CTNNA2: variants seen among roughly 807,000 people sequenced by gnomAD.
CTNNA2 encodes catenin alpha 2.
In CTNNA2, 42 loss-of-function variants were observed where a neutral mutation model predicts 101.0. That is an observed-to-expected ratio of 0.42 (90% CI 0.32 to 0.54). The LOEUF (loss-of-function observed/expected upper bound fraction) is 0.54. Among genes scored for constraint, CTNNA2 ranks in the 20% least tolerant of loss-of-function variants. The pLI is 0.14. For missense variants in CTNNA2, 871 were observed against 1,223.1 expected (o/e 0.71, Z 4.29); for synonymous variants, 450 against 456.4 (o/e 0.99, Z 0.18).
chr2:80,224,286 A>G (rs1318590830), intron 7 of CTNNA2, among the ~76,000 whole-genome samples: 3 of 152,120 alleles, frequency 2.0e-5, no homozygotes, highest in African/African-American at 7.2e-5. Context: ...TTTATAATTA[A>G]TGAAGCATAT....
intron 4 of CTNNA2, among the ~76,000 whole-genome samples, chr2:79,394,417 A>T (rs757055046): frequency 1.3e-5 from 2 of 152,200 alleles, no homozygotes; most frequent in Admixed American, 1.3e-4. Flanking sequence ...TCACTAATAA[A>T]CTGGCTAATG....
At position 80,146,710 on chromosome 2, in the gene CTNNA2, G is replaced by GTTTTTTTTTTTTTTTT. The variant is rs34019123; in HGVS notation, c.1056+236930_1056+236945dup. ...TTTCTGAAGTAGGAAGTCCCCTCTG[G>GTTTTTTTTTTTTTTTT]TTTTTTTTTTTTTTTTTTTTTTTTT... On this transcript the variant is annotated intron_variant, in intron 7 of 18. Coordinates refer to ENST00000402739, the MANE Select transcript of CTNNA2 (RefSeq NM_001282597.3). 4.9e-5 allele frequency among the ~76,000 whole-genome samples: 3 copies of GTTTTTTTTTTTTTTTT among 61,744 alleles called. 1 individual carries two copies. Among genetic ancestry groups the GTTTTTTTTTTTTTTTT allele is most frequent in the Non-Finnish European group, 9.2e-5 (3 of 32,534 alleles). The allele number at this position is 61,744 out of a possible 152,430, so 40.5% of individuals were successfully genotyped here. A position where few individuals can be genotyped will look rare whatever the true frequency, so the allele number is the denominator to read the frequency against.
chr2:79,752,595 A>G (rs1672115997), intron 3 of CTNNA2, among the ~76,000 whole-genome samples: 1 of 152,192 alleles, frequency 6.6e-6, no homozygotes, highest in Non-Finnish European at 1.5e-5. Context: ...ATACATATTG[A>G]AGGTATTTCT....
intron 3 of CTNNA2, among the ~76,000 whole-genome samples, chr2:79,831,498 G>T (rs1464077090): frequency 2.0e-5 from 3 of 151,836 alleles, no homozygotes; most frequent in African/African-American, 7.3e-5. Flanking sequence ...GCTTTTGTCT[G>T]TGTTGCTTCA....
chr2:80,043,119 CTCCTTCCTTCCTTCCTTCCT>C (rs70940072), intron 7 of CTNNA2, among the ~76,000 whole-genome samples: 1,236 of 52,008 alleles, frequency 0.024, 61 homozygotes, highest in African/African-American at 0.048. Context: ...CTCTTTCTTT[CTCCTTCCTTCCTTCCTTCCT>C]TCCTTCCTTC....
At chr2:80,263,400 T>G (rs1283371050) in intron 7 of CTNNA2, among the ~76,000 whole-genome samples, 1 of 152,202 alleles carries the variant, frequency 6.6e-6, no homozygotes, top group Non-Finnish European at 1.5e-5. Context: ...AGTGGCACAG[T>G]CTTGGCTCAC....
At chr2:79,531,683 A>ATT (rs1261877234) in intron 1 of CTNNA2, among the ~76,000 whole-genome samples, 6 of 143,024 alleles carry the variant, frequency 4.2e-5, no homozygotes, top group Admixed American at 7.1e-5. Context: ...ATGTTAGTAA[A>ATT]TTTTTTTTTT....
At chr2:80,072,180 T>C (rs1698391990) in intron 7 of CTNNA2, among the ~76,000 whole-genome samples, 1 of 152,162 alleles carries the variant, frequency 6.6e-6, no homozygotes, top group South Asian at 2.1e-4. Context: ...CATCTGCCCC[T>C]CTTAGTCTAC....
At chr2:79,527,096 CA>C (rs1320125539) in intron 1 of CTNNA2, among the ~76,000 whole-genome samples, 2 of 151,986 alleles carry the variant, frequency 1.3e-5, no homozygotes, top group Non-Finnish European at 2.9e-5. Flanking sequence ...AACATATTTA[CA>C]AATCATATCA....
intron 18 of CTNNA2, among the ~76,000 whole-genome samples, chr2:80,623,540 G>A (rs1324468630): frequency 2.6e-5 from 4 of 151,892 alleles, no homozygotes; most frequent in Non-Finnish European, 5.9e-5. Flanking sequence ...AAAGATGTGA[G>A]GTTGGTGTTG....
chr2:79,469,495 T>C (rs1470286488), intron 4 of CTNNA2, among the ~76,000 whole-genome samples: 2 of 151,896 alleles, frequency 1.3e-5, no homozygotes, highest in Non-Finnish European at 2.9e-5. Flanking sequence ...TTCCAATCAA[T>C]AGAAAAAGAG....
intron 4 of CTNNA2, among the ~76,000 whole-genome samples, chr2:79,410,010 C>A (rs1678390211): frequency 1.3e-5 from 2 of 150,236 alleles, no homozygotes; most frequent in African/African-American, 4.9e-5. Flanking sequence ...TTGAAGAGGT[C>A]CTTCACATCC....
At position 80,639,829 on chromosome 2, in the gene CTNNA2, G is replaced by A. The variant is rs986630563; in HGVS notation, c.2575-7756G>A. 9.2e-5 allele frequency among the ~76,000 whole-genome samples: 14 copies of A among 151,962 alleles called. No homozygotes were observed. In the East Asian group the frequency reaches 2.1e-3, roughly 23 times the overall value. ...AGATAAAAATATTTGTCGGCCGGGC[G>A]CGGTGGCTCACGCCTGTAATTCCAG... is the stretch of plus-strand genomic sequence containing the variant. On this transcript the variant is annotated intron_variant, in intron 18 of 18. Coordinates refer to ENST00000402739, the MANE Select transcript of CTNNA2 (RefSeq NM_001282597.3).
At chr2:80,226,618 C>T (rs73938243) in intron 7 of CTNNA2, among the ~76,000 whole-genome samples, 2,778 of 152,266 alleles carry the variant, frequency 0.018, 85 homozygotes, top group African/African-American at 0.063. Flanking sequence ...GACAGCCATG[C>T]TTTCTTGTCT....
At chr2:79,891,492 C>T (rs1684301659) in intron 6 of CTNNA2, among the ~76,000 whole-genome samples, 1 of 152,126 alleles carries the variant, frequency 6.6e-6, no homozygotes, top group Non-Finnish European at 1.5e-5. Flanking sequence ...TTTTCTTTTA[C>T]AAAGATCTGT....
At chr2:79,350,073 C>CAAAAAAA (rs59503765) in intron 3 of CTNNA2, among the ~76,000 whole-genome samples, 8 of 57,452 alleles carry the variant, frequency 1.4e-4, no homozygotes, top group African/African-American at 4.4e-4. Context: ...GACTCCTTCT[C>CAAAAAAA]AAAAAAAAAA....
chr2:80,223,872 T>C (rs1205854444), intron 7 of CTNNA2, among the ~76,000 whole-genome samples: 1 of 152,182 alleles, frequency 6.6e-6, no homozygotes, highest in Non-Finnish European at 1.5e-5. Flanking sequence ...GGTGTTGTAG[T>C]TTGCCAGGTC....
At chr2:79,555,003 G>A (rs752264954) in intron 1 of CTNNA2, among the ~76,000 whole-genome samples, 3 of 152,070 alleles carry the variant, frequency 2.0e-5, no homozygotes, top group Non-Finnish European at 4.4e-5. Context: ...CAAAACAAAA[G>A]AGCCCTTAGA....
chr2:79,867,476 C>T (rs982048292), intron 4 of CTNNA2, among the ~76,000 whole-genome samples: 15 of 151,938 alleles, frequency 9.9e-5, no homozygotes, highest in Non-Finnish European at 1.5e-5. Context: ...GTTCCATTTC[C>T]TTTATTTCTG....
Sources: gnomAD v4.1 joint callset for allele counts (sites outside exome capture counted in the v4.1 genomes callset) on GRCh38, gnomAD v4.1.1 for gene constraint, MANE v1.5 for transcripts, NCBI Gene and HGNC (gene_info 2026-07-23, HGNC 2026-07-21) for gene names.